The following SIRPG variants were observed in gnomAD, a reference collection of about 807,000 sequenced individuals.
The protein encoded by SIRPG is signal-regulatory protein gamma.
Under a neutral mutation model 35.7 loss-of-function variants are expected in SIRPG, and 38 were observed. The observed-to-expected ratio is 1.06, with a 90% CI of 0.82 to 1.40. The LOEUF (loss-of-function observed/expected upper bound fraction) is 1.40, where lower values mean the gene tolerates loss of function less well. Ranked by LOEUF, SIRPG falls within the 40% of genes most tolerant of loss-of-function variation. The pLI is 0.00. For synonymous variants in SIRPG, 215 were observed against 190.4 expected, an observed-to-expected ratio of 1.13 and a Z score of -1.06; for missense variants, 519 against 483.0, an observed-to-expected ratio of 1.07 and a Z score of -0.70.
chr20:1,633,283 C>A (rs1015793333), intron 4 of SIRPG, among the ~76,000 whole-genome samples: 2 of 151,898 alleles, frequency 1.3e-5, no homozygotes, highest in African/African-American at 4.8e-5. Flanking sequence ...TCTTGAGGCC[C>A]AAGTGTTTCA....
At chr20:1,651,216 A>T (rs553889508) in intron 1 of SIRPG, 3 of 152,208 alleles carry the variant, frequency 2.0e-5, no homozygotes, top group African/African-American at 4.8e-5. Flanking sequence ...TTAAAAAATC[A>T]TATTTACCTG....
At chr20:1,662,319 C>T (rs6110824), upstream of SIRPG, among the ~76,000 whole-genome samples, 80 of 152,274 alleles carry the variant, frequency 5.3e-4, no homozygotes, top group African/African-American at 1.7e-3. Context: ...GACCCAATAA[C>T]GGAGGTCTCC....
chr20:1,674,003 T>TG, the SIRPG span, among the ~76,000 whole-genome samples: 1 of 152,200 alleles, frequency 6.6e-6, no homozygotes, highest in Non-Finnish European at 1.5e-5. Flanking sequence ...GCCAGGCCAC[T>TG]GGGGCCTTCT....
chr20:1,650,292 C>T (rs965962029), intron 1 of SIRPG, among the ~76,000 whole-genome samples: 1 of 151,786 alleles, frequency 6.6e-6, no homozygotes, highest in African/African-American at 2.4e-5. Flanking sequence ...ACACTAGACC[C>T]AGTATTAAAA....
In SIRPG at chr20:1,657,693, G is replaced by A. The variant is rs199556654; in HGVS notation, c.22C>T (p.Pro8Ser). The change falls in exon 1 of 6, where the codon CCC (proline) becomes TCC (serine). Residue 8 changes from proline (P) to serine (S), a missense_variant. Coordinates refer to ENST00000303415, the MANE Select transcript of SIRPG (RefSeq NM_018556.4). ...AGCAGGAAAGGACCAGGAGGATGGG[G>A]CCAGGAGGCTGGGACAGGCATTTTG... Reference protein sequence around the residue: MPVPASWPHPPGPFLLLT... With the variant: MPVPASWSHPPGPFLLLT... The A allele has an allele frequency of 6.2e-7, 1 of 1,614,202 alleles. No individual in the cohort carries two copies. Among genetic ancestry groups the A allele is most frequent in the Admixed American group, 1.7e-5 (1 of 60,024 alleles).
At chr20:1,651,702 T>C (rs1203193665) in intron 1 of SIRPG, among the ~76,000 whole-genome samples, 2 of 152,194 alleles carry the variant, frequency 1.3e-5, no homozygotes, top group Non-Finnish European at 2.9e-5. Flanking sequence ...TTGCTACTGA[T>C]TGGCTCCACA....
At chr20:1,663,206 G>A in the SIRPG span, among the ~76,000 whole-genome samples, 1 of 152,118 alleles carries the variant, frequency 6.6e-6, no homozygotes, top group East Asian at 1.9e-4. Context: ...CCAGCTACTC[G>A]GGAGGCTGAG....
rs41275434 is a variant in SIRPG at position 1,635,335 on chromosome 20, G to A, written c.1013C>T (p.Ala338Val). 798 of 1,614,164 alleles carry A rather than the reference G, an allele frequency of 4.9e-4. No homozygotes were observed. The highest frequency in any genetic ancestry group is 1.6e-3 in the Middle Eastern group (10 of 6,062). The change falls in exon 4 of 6, where the codon GCG becomes GTG. Residue 338 changes from alanine to valine, a missense_variant. Physicochemically the swap from Ala to Val is moderately conservative, Grantham distance 64. Transcript: ENST00000303415. ...TCQVKHDGQL[A>V]VSKRLALEVT... The stretch of plus-strand genomic sequence containing the variant: ...CTCTAGGGCAAGGCGTTTGCTGACC[G>A]CCAGCTGCCCATCATGCTTCACCTG...
At chr20:1,649,005 G>A in intron 2 of SIRPG, 47 bp downstream of exon 2, 1 of 1,481,818 alleles carries the variant, frequency 6.7e-7, no homozygotes, top group Non-Finnish European at 9.4e-7. Context: ...TTACTATTGA[G>A]TTATTGTCAC....
intron 1 of SIRPG, among the ~76,000 whole-genome samples, chr20:1,656,795 G>C (rs1469007992): frequency 6.6e-6 from 1 of 152,214 alleles, no homozygotes; most frequent in South Asian, 2.1e-4. Context: ...AAACGAATGG[G>C]TTGAAGCCCC....
At chr20:1,650,580 A>G (rs1020570507) in intron 1 of SIRPG, among the ~76,000 whole-genome samples, 3 of 152,194 alleles carry the variant, frequency 2.0e-5, no homozygotes. Context: ...AGTATAGTAT[A>G]GAGAACAGAA....
At chr20:1,648,476 C>T (rs1600219535) in intron 2 of SIRPG, 1 of 152,124 alleles carries the variant, frequency 6.6e-6, no homozygotes, top group African/African-American at 2.4e-5. Flanking sequence ...CACTTTCCAT[C>T]CCCTGGATGA....
chr20:1,630,249 T>C lies in SIRPG; in HGVS notation c.1139A>G (p.Tyr380Cys), dbSNP rs561280167. The C allele has an allele frequency of 4.3e-5, 67 of 1,573,630 alleles. No homozygotes were observed. The South Asian group carries it at 7.6e-4, about 18-fold the overall frequency. Residue 380 changes from tyrosine to cysteine, a missense_variant, in exon 5 of 6, where the codon TAC becomes TGC. Physicochemically the swap from Tyr to Cys is radical, Grantham distance 194. Transcript: ENST00000303415. The stretch of plus-strand genomic sequence containing the variant: ...TCAGGTCTTCTGCTTCCAGGGGACG[T>C]AGATGGGGCCCAGGAGGACAGCTAT... ...LLIAVLLGPI[Y>C]VPWKQKT
intron 3 of SIRPG, 34 bp from the exon 4 acceptor site, chr20:1,635,633 T>C: frequency 1.2e-6 from 2 of 1,600,498 alleles, no homozygotes; most frequent in South Asian, 1.1e-5. Flanking sequence ...TCTGATCTTC[T>C]GGCACAGACA....
chr20:1,639,981 T>C (rs2091839240), intron 2 of SIRPG, among the ~76,000 whole-genome samples: 1 of 152,222 alleles, frequency 6.6e-6, no homozygotes, highest in African/African-American at 2.4e-5. Context: ...TTGGTCTATA[T>C]GTCTGTCTTG....
At chr20:1,639,922 G>A (rs1568728508) in intron 2 of SIRPG, among the ~76,000 whole-genome samples, 1 of 152,196 alleles carries the variant, frequency 6.6e-6, no homozygotes, top group Non-Finnish European at 1.5e-5. Context: ...TTGAAGATCA[G>A]ATGGTTGTAA....
At chr20:1,682,140 T>C in the SIRPG span, among the ~76,000 whole-genome samples, 1 of 152,194 alleles carries the variant, frequency 6.6e-6, no homozygotes, top group Non-Finnish European at 1.5e-5. Flanking sequence ...TATCTATTGC[T>C]TATCTTAACA....
the SIRPG span, among the ~76,000 whole-genome samples, chr20:1,673,981 G>A: frequency 6.6e-6 from 1 of 152,156 alleles, no homozygotes; most frequent in Non-Finnish European, 1.5e-5. Context: ...CTGCTCCATG[G>A]GAAGGGTCCT....
chr20:1,669,548 T>A, the SIRPG span, among the ~76,000 whole-genome samples: 1 of 152,108 alleles, frequency 6.6e-6, no homozygotes, highest in African/African-American at 2.4e-5. Flanking sequence ...AGGTCGCAGA[T>A]GGGATGGAAA....
Sources: gnomAD v4.1 joint callset for allele counts (sites outside exome capture counted in the v4.1 genomes callset) on GRCh38, gnomAD v4.1.1 for gene constraint, MANE v1.5 for transcripts, NCBI Gene and HGNC (gene_info 2026-07-23, HGNC 2026-07-21) for gene names.